TRPC4: variants seen among roughly 807,000 people sequenced by gnomAD.
TRPC4 encodes transient receptor potential cation channel subfamily C member 4, also known as short transient receptor potential channel 4.
TRPC4 carries 49 observed loss-of-function variants against 99.4 expected under a neutral mutation model. That is an observed-to-expected ratio of 0.49 (90% confidence interval 0.39 to 0.63). The LOEUF is 0.63. TRPC4 is among the 20% of genes least tolerant of loss of function. The pLI, the probability that TRPC4 is intolerant of heterozygous loss-of-function variation, is 0.00. For missense variants in TRPC4, 898 were observed against 1,152.9 expected (o/e 0.78, Z 3.20); for synonymous variants, 454 against 425.9 (o/e 1.07, Z -0.81).
intron 1 of TRPC4, among the ~76,000 whole-genome samples, chr13:37,857,895 C>A (rs1166544753): frequency 6.6e-6 from 1 of 151,552 alleles, no homozygotes; most frequent in African/African-American, 2.4e-5. Context: ...CATAGACAAC[C>A]AAAGCAGAAA....
At chr13:37,717,823 A>AC (rs943492823) in intron 3 of TRPC4, among the ~76,000 whole-genome samples, 1 of 152,058 alleles carries the variant, frequency 6.6e-6, no homozygotes, top group Admixed American at 6.6e-5. Flanking sequence ...ATATAGACCA[A>AC]CCCCCCCGAA....
At chr13:37,752,597 C>T (rs1280744844) in intron 2 of TRPC4, among the ~76,000 whole-genome samples, 1 of 151,752 alleles carries the variant, frequency 6.6e-6, no homozygotes, top group African/African-American at 2.4e-5. Flanking sequence ...CCCCCCTCCC[C>T]CTCCCACACC....
chr13:37,712,044 T>C (rs1030938783), intron 3 of TRPC4, among the ~76,000 whole-genome samples: 1 of 152,082 alleles, frequency 6.6e-6, no homozygotes, highest in Non-Finnish European at 1.5e-5. Flanking sequence ...ACAAACTATA[T>C]TTTGAGTGCT....
At chr13:37,754,174 C>T (rs543565201) in intron 2 of TRPC4, among the ~76,000 whole-genome samples, 2 of 152,114 alleles carry the variant, frequency 1.3e-5, no homozygotes, top group Non-Finnish European at 2.9e-5. Context: ...CCCCTTTTCA[C>T]GCTTCGTTCT....
intron 2 of TRPC4, among the ~76,000 whole-genome samples, chr13:37,750,997 C>T (rs61955521): frequency 0.35 from 53,114 of 151,912 alleles, 11,128 homozygotes; most frequent in Non-Finnish European, 0.48. Context: ...AATAAGAATG[C>T]TTTCTTCCTA....
intron 3 of TRPC4, among the ~76,000 whole-genome samples, chr13:37,718,233 G>A (rs888037417): frequency 1.3e-5 from 2 of 151,960 alleles, no homozygotes; most frequent in Non-Finnish European, 2.9e-5. Flanking sequence ...GGGATTTAGA[G>A]AAGTACTGAA....
intron 4 of TRPC4, among the ~76,000 whole-genome samples, chr13:37,680,186 A>G (rs961765737): frequency 5.3e-5 from 8 of 152,208 alleles, no homozygotes; most frequent in African/African-American, 1.9e-4. Context: ...AAGGAGGTAT[A>G]AAGAAGAAGT....
At chr13:37,710,468 T>G (rs1954445792) in intron 3 of TRPC4, among the ~76,000 whole-genome samples, 1 of 151,936 alleles carries the variant, frequency 6.6e-6, no homozygotes, top group African/African-American at 2.4e-5. Flanking sequence ...TGTTATTACC[T>G]ACACCACACA....
chr13:37,766,042 A>G (rs1956356135), intron 2 of TRPC4, among the ~76,000 whole-genome samples: 3 of 151,436 alleles, frequency 2.0e-5, no homozygotes, highest in Non-Finnish European at 3.0e-5. Flanking sequence ...GAATTAATGT[A>G]GATTTACATT....
intron 1 of TRPC4, among the ~76,000 whole-genome samples, chr13:37,828,048 G>C (rs879478459): frequency 4.3e-4 from 66 of 152,270 alleles, no homozygotes; most frequent in African/African-American, 1.5e-3. Context: ...GGTGCCGTCC[G>C]TCACCCCTTT....
At chr13:37,685,645 T>G (rs1953445850) in intron 4 of TRPC4, among the ~76,000 whole-genome samples, 1 of 152,118 alleles carries the variant, frequency 6.6e-6, no homozygotes, top group Non-Finnish European at 1.5e-5. Context: ...TTTCTTGGTA[T>G]CTACTCCTCT....
intron 8 of TRPC4, among the ~76,000 whole-genome samples, chr13:37,645,001 C>T (rs1951828829): frequency 6.7e-6 from 1 of 150,296 alleles, no homozygotes. Flanking sequence ...AAATCAAGGG[C>T]TTTTCTTCCT....
At chr13:37,753,609 A>AGAGAGAGAGAG (rs1566145539) in intron 2 of TRPC4, among the ~76,000 whole-genome samples, 7 of 104,986 alleles carry the variant, frequency 6.7e-5, no homozygotes, top group South Asian at 6.5e-4. Context: ...GAGAGAGAGA[A>AGAGAGAGAGAG]AGAAAGAAAG....
chr13:37,674,249 C>T lies in TRPC4; in HGVS notation c.1353G>A (p.Leu451=), dbSNP rs766634573. The change falls in exon 5 of 11, where the codon TTG becomes TTA. Residue 451 remains leucine (L), a synonymous_variant. Transcript: ENST00000379705. ...MNSLYLATIS[L]KIVAFVKYSA... is the part of the protein sequence containing the mutation. ...TTACCTTTACAAATGCAACAATTTT[C>T]AAGGAGATTGTTGCTAAATATAAGG... 1.3e-6 allele frequency: 2 copies of T among 1,588,126 alleles called. No homozygotes were observed. Among genetic ancestry groups the T allele is most frequent in the Non-Finnish European group, 1.7e-6 (2 of 1,169,992 alleles).
chr13:37,788,137 A>G (rs1255546395), intron 1 of TRPC4, among the ~76,000 whole-genome samples: 3 of 152,116 alleles, frequency 2.0e-5, no homozygotes, highest in Non-Finnish European at 4.4e-5. Flanking sequence ...ATTTCAAAAG[A>G]AAAGATGTTC....
intron 2 of TRPC4, among the ~76,000 whole-genome samples, chr13:37,750,255 A>G (rs966926673): frequency 6.6e-6 from 1 of 152,054 alleles, no homozygotes; most frequent in Non-Finnish European, 1.5e-5. Flanking sequence ...GTCTGGGGCC[A>G]TTAAGAATAT....
At chr13:37,814,717 C>T (rs9943925) in intron 1 of TRPC4, among the ~76,000 whole-genome samples, 3,304 of 151,750 alleles carry the variant, frequency 0.022, 68 homozygotes, top group African/African-American at 0.058. Flanking sequence ...ATTTTGTATT[C>T]ATGTATTGGA....
intron 3 of TRPC4, among the ~76,000 whole-genome samples, chr13:37,742,684 A>G (rs1955628122): frequency 6.6e-6 from 1 of 152,178 alleles, no homozygotes; most frequent in Non-Finnish European, 1.5e-5. Context: ...CCAAATCCTG[A>G]GAGATGGACT....
At chr13:37,774,012 A>G (rs990611916) in intron 2 of TRPC4, among the ~76,000 whole-genome samples, 1 of 151,758 alleles carries the variant, frequency 6.6e-6, no homozygotes, top group Non-Finnish European at 1.5e-5. Flanking sequence ...TCAAAAATTC[A>G]CATTTATATA....
Sources: allele counts gnomAD v4.1 joint callset (sites outside exome capture counted in the v4.1 genomes callset), GRCh38; gene constraint gnomAD v4.1.1; transcripts MANE v1.5; gene names NCBI Gene and HGNC (gene_info 2026-07-23, HGNC 2026-07-21).